KDM2A: variants seen among roughly 807,000 people sequenced by gnomAD.
KDM2A encodes the protein lysine-specific demethylase 2A.
KDM2A carries 3 observed loss-of-function variants against 137.3 expected under a neutral mutation model. The observed-to-expected ratio is 0.02, with a 90% CI of 0.01 to 0.06. The LOEUF (loss-of-function observed/expected upper bound fraction) is 0.06, where lower values mean the gene tolerates loss of function less well. KDM2A is among the 10% of genes least tolerant of loss of function. The pLI, the probability that KDM2A is intolerant of heterozygous loss-of-function variation, is 1.00. For missense variants in KDM2A, 738 were observed against 1,510.6 expected, an observed-to-expected ratio of 0.49 and a Z score of 8.48; for synonymous variants, 512 against 541.5, an observed-to-expected ratio of 0.95 and a Z score of 0.76.
At chr11:67,154,170 TAATAG>T (rs1408420679) in intron 2 of KDM2A, among the ~76,000 whole-genome samples, 1 of 152,218 alleles carries the variant, frequency 6.6e-6, no homozygotes, top group Admixed American at 6.6e-5. Context: ...CTCAGTGTAT[TAATAG>T]AATAGAGGTG....
intron 5 of KDM2A, among the ~76,000 whole-genome samples, chr11:67,204,825 A>G (rs2136376856): frequency 6.6e-6 from 1 of 152,238 alleles, no homozygotes; most frequent in East Asian, 1.9e-4. Context: ...TCCATGTTGT[A>G]GCATGTATTA....
At chr11:67,152,926 G>A (rs1368294304) in intron 2 of KDM2A, among the ~76,000 whole-genome samples, 2 of 149,428 alleles carry the variant, frequency 1.3e-5, no homozygotes, top group Non-Finnish European at 3.0e-5. Flanking sequence ...GTGTGTGTGT[G>A]TGTGTGTGTG....
rs1299680430 is a variant in KDM2A, at chr11:67,245,797, G to A, written c.1834-188G>A. 1 of 662,302 alleles carries A rather than the reference G, an allele frequency of 1.5e-6. No individual in the cohort carries two copies. Among genetic ancestry groups the A allele is most frequent in the Non-Finnish European group, 2.5e-6 (1 of 398,016 alleles). 41.0% of individuals were successfully genotyped at this position (662,302 alleles called of 1,614,324 possible). ...ATAAACTAGTCTCTGGTGCCCAGGTGGTTGAGTCCTCCTCTTCCCCAGTCA... is the reference window on the plus strand; with the variant it reads ...ATAAACTAGTCTCTGGTGCCCAGGTAGTTGAGTCCTCCTCTTCCCCAGTCA... On this transcript the variant is annotated intron_variant, in intron 14 of 20. Coordinates refer to ENST00000529006, the MANE Select transcript of KDM2A (RefSeq NM_012308.3). The surrounding 1 kb of genome is among the most constrained non-coding windows in gnomAD (Gnocchi z 4.1).
chr11:67,137,887 T>C lies in KDM2A; in HGVS notation c.42+16529T>C, dbSNP rs563077034. 2.0e-5 allele frequency among the ~76,000 whole-genome samples: 3 copies of C among 152,200 alleles called. No individual in the cohort carries two copies. In the East Asian group the frequency reaches 5.8e-4, roughly 29 times the overall value. On this transcript the variant is annotated intron_variant, in intron 2 of 20. Transcript: ENST00000529006. ...ATCTCGGCTCACTGCAACCTCTGCC[T>C]CCCAGGTTCAAGTGATTCTTCTGCC...
intron 2 of KDM2A, among the ~76,000 whole-genome samples, chr11:67,177,159 G>A (rs934278748): frequency 6.6e-6 from 1 of 152,032 alleles, no homozygotes; most frequent in African/African-American, 2.4e-5. Context: ...CCAGCTACTC[G>A]GGAGGCTGAG....
chr11:67,170,237 G>T (rs1856849793), intron 2 of KDM2A, among the ~76,000 whole-genome samples: 1 of 152,046 alleles, frequency 6.6e-6, no homozygotes, highest in Non-Finnish European at 1.5e-5. Context: ...CCAGTAGTTT[G>T]TCAACGAAAA....
chr11:67,153,039 A>G (rs534232356), intron 2 of KDM2A, among the ~76,000 whole-genome samples: 1 of 151,480 alleles, frequency 6.6e-6, no homozygotes, highest in Admixed American at 6.6e-5. Flanking sequence ...GGCTAGAGTG[A>G]AATGGCACGA....
Position 67,144,807 on chromosome 11 carries a change from C to G in KDM2A, c.42+23449C>G, listed in dbSNP as rs560951031. 3.3e-5 allele frequency among the ~76,000 whole-genome samples: 5 copies of G among 151,840 alleles called. No homozygotes were observed. The East Asian group carries it at 9.7e-4, about 30-fold the overall frequency. On this transcript the variant is annotated intron_variant, in intron 2 of 20. Transcript: ENST00000529006. Reference sequence around the variant, plus strand: ...TCTTGAACTCCTGGCCTCAAGTGATCCTCCTGCTTCAGCCTCCCAAAGTGC... The same window carrying G: ...TCTTGAACTCCTGGCCTCAAGTGATGCTCCTGCTTCAGCCTCCCAAAGTGC...
intron 8 of KDM2A, 94 bp from the exon 9 acceptor site, chr11:67,217,637 C>A: frequency 7.9e-7 from 1 of 1,269,420 alleles, no homozygotes; most frequent in Non-Finnish European, 1.1e-6. Context: ...TTTCTTCTAC[C>A]TGGTGGTCTT....
At chr11:67,188,548 T>C (rs1857265148) in intron 5 of KDM2A, among the ~76,000 whole-genome samples, 1 of 150,132 alleles carries the variant, frequency 6.7e-6, no homozygotes, top group South Asian at 2.1e-4. Flanking sequence ...ATCCCAACTT[T>C]GGGAGGCCAA....
At chr11:67,149,189 T>C (rs1316681396) in intron 2 of KDM2A, 2 of 152,136 alleles carry the variant, frequency 1.3e-5, no homozygotes, top group Non-Finnish European at 2.9e-5. Flanking sequence ...GTTCCCTTAG[T>C]GTAGGGCTAT....
intron 12 of KDM2A, among the ~76,000 whole-genome samples, chr11:67,232,240 G>T (rs1472186363): frequency 2.0e-5 from 3 of 152,128 alleles, no homozygotes; most frequent in South Asian, 2.1e-4. Flanking sequence ...GTGACCCAAA[G>T]AAAATATTTA....
chr11:67,202,616 CAA>C (rs60849469), intron 5 of KDM2A, among the ~76,000 whole-genome samples: 1 of 146,292 alleles, frequency 6.8e-6, no homozygotes, highest in Admixed American at 6.8e-5. Context: ...ACTAAAAATA[CAA>C]AAAAAAAACT....
chr11:67,140,892 G>A (rs1395269873), intron 2 of KDM2A, among the ~76,000 whole-genome samples: 1 of 152,124 alleles, frequency 6.6e-6, no homozygotes, highest in South Asian at 2.1e-4. Context: ...ACGTCATGAG[G>A]TATCACCATA....
At chr11:67,214,598 C>T (rs929184653) in intron 6 of KDM2A, among the ~76,000 whole-genome samples, 7 of 152,136 alleles carry the variant, frequency 4.6e-5, no homozygotes, top group Non-Finnish European at 8.8e-5. Flanking sequence ...CTTGGCCTCC[C>T]AAAGTGTTGG....
chr11:67,201,429 C>G lies in KDM2A; in HGVS notation c.308-6081C>G, dbSNP rs369298523. ...GCCCAGGTGGTGGATCCCTTGAGGC[C>G]AGGAGTTTGAGACCAGCCTGGGAAA... On this transcript the variant is annotated intron_variant, in intron 5 of 20. Transcript: ENST00000529006. Among the ~76,000 whole-genome samples the G allele has an allele frequency of 3.3e-5, 5 of 151,894 alleles. No homozygotes were observed. In the East Asian group the frequency reaches 9.7e-4, roughly 29 times the overall value.
At chr11:67,185,528 G>A (rs764234401) in intron 5 of KDM2A, among the ~76,000 whole-genome samples, 1 of 151,874 alleles carries the variant, frequency 6.6e-6, no homozygotes, top group African/African-American at 2.4e-5. Context: ...ACTTGGGAGG[G>A]CTCAGGTAGG....
At position 67,245,867 on chromosome 11, in the gene KDM2A, C is replaced by T. The variant is rs1038085298; in HGVS notation, c.1834-118C>T. 1.6e-6 allele frequency: 2 copies of T among 1,217,366 alleles called. No individual in the cohort carries two copies. Among genetic ancestry groups the T allele is most frequent in the African/African-American group, 1.5e-5 (1 of 66,040 alleles). The allele number at this position is 1,217,366 out of a possible 1,614,324, so 75.4% of individuals were successfully genotyped here. On this transcript the variant is annotated intron_variant, in intron 14 of 20. Coordinates refer to ENST00000529006, the MANE Select transcript of KDM2A (RefSeq NM_012308.3). This position sits in a 1 kb window ranked among gnomAD's most constrained non-coding sequence, Gnocchi z 4.1. Reference sequence around the variant, plus strand: ...CCGTTCTCTCCACCCTGCCTCCATGCTTCCAGGTGTTTAGTAGAGAATTAT... The same window carrying T: ...CCGTTCTCTCCACCCTGCCTCCATGTTTCCAGGTGTTTAGTAGAGAATTAT...
chr11:67,159,416 C>T (rs906245475), intron 2 of KDM2A, among the ~76,000 whole-genome samples: 4 of 152,164 alleles, frequency 2.6e-5, no homozygotes, highest in Non-Finnish European at 5.9e-5. Context: ...TTTTCCTAAG[C>T]TACATTATTT....
Sources: gnomAD v4.1 joint callset for allele counts (sites outside exome capture counted in the v4.1 genomes callset) on GRCh38, gnomAD v4.1.1 for gene constraint, Gnocchi (gnomAD v3.1) non-coding constraint, MANE v1.5 for transcripts, NCBI Gene and HGNC (gene_info 2026-07-23, HGNC 2026-07-21) for gene names.